Variants in NBAS observed in about 807,000 individuals in gnomAD.
NBAS encodes NAG/BC035112 fusion.
In NBAS, 219 loss-of-function variants were observed where a neutral mutation model predicts 302.5. The ratio of observed to expected loss-of-function variants is 0.72; its 90% CI spans 0.65 to 0.81. The LOEUF (loss-of-function observed/expected upper bound fraction) is 0.81. NBAS is among the 30% of genes least tolerant of loss of function. The probability of loss-of-function intolerance (pLI) is 0.00; values close to 1 mark genes in which losing one functional copy is unlikely to be tolerated. For synonymous variants in NBAS, 1,118 were observed against 1,021.6 expected (o/e 1.09, Z -1.80); for missense variants, 2,932 against 2,841.6 (o/e 1.03, Z -0.72).
intron 21 of NBAS, among the ~76,000 whole-genome samples, chr2:15,438,205 T>C (rs1678127725): frequency 6.6e-6 from 1 of 152,246 alleles, no homozygotes; most frequent in African/African-American, 2.4e-5. Context: ...TTCCTAATTC[T>C]GAAATCCATT....
the NBAS span, among the ~76,000 whole-genome samples, chr2:14,976,106 G>C: frequency 6.8e-4 from 104 of 152,284 alleles, no homozygotes; most frequent in Non-Finnish European, 1.3e-3. Flanking sequence ...AGGAATAATG[G>C]GGGCAGATGT....
intron 44 of NBAS, among the ~76,000 whole-genome samples, chr2:15,260,816 C>CAT (rs10555034): frequency 2.6e-5 from 4 of 151,810 alleles, no homozygotes; most frequent in South Asian, 4.2e-4. Flanking sequence ...AATTATTATA[C>CAT]ATATATATAC....
At chr2:14,781,704 A>G in the NBAS span, among the ~76,000 whole-genome samples, 1 of 150,612 alleles carries the variant, frequency 6.6e-6, no homozygotes, top group Non-Finnish European at 1.5e-5. Flanking sequence ...ACTTTTATGA[A>G]GCACTCTCAT....
chr2:15,232,393 T>C (rs1247923976), intron 47 of NBAS, 29 bp downstream of exon 47: 10 of 1,599,070 alleles, frequency 6.3e-6, no homozygotes, highest in Non-Finnish European at 7.7e-6. Flanking sequence ...AGCCAGTTAA[T>C]GAAGATGCAC....
At chr2:15,466,834 G>A (rs1383904709) in intron 19 of NBAS, among the ~76,000 whole-genome samples, 3 of 151,868 alleles carry the variant, frequency 2.0e-5, no homozygotes, top group Admixed American at 6.6e-5. Flanking sequence ...CTACTCAGGA[G>A]GCTAAGGGAT....
At chr2:14,780,144 A>G in the NBAS span, among the ~76,000 whole-genome samples, 1 of 152,146 alleles carries the variant, frequency 6.6e-6, no homozygotes, top group East Asian at 1.9e-4. Flanking sequence ...ACCTCCCCAA[A>G]CATCAGACAC....
chr2:15,229,909 G>A (rs1426280672), intron 47 of NBAS, among the ~76,000 whole-genome samples: 1 of 152,046 alleles, frequency 6.6e-6, no homozygotes, highest in African/African-American at 2.4e-5. Context: ...ACTTTTTTAT[G>A]CAGTCTCCCT....
chr2:14,994,749 T>C, the NBAS span, among the ~76,000 whole-genome samples: 6 of 152,328 alleles, frequency 3.9e-5, no homozygotes, highest in Admixed American at 2.0e-4. Flanking sequence ...ACATGGATTG[T>C]GGGCTCTGCC....
intron 44 of NBAS, among the ~76,000 whole-genome samples, chr2:15,262,642 T>C (rs751706277): frequency 1.4e-4 from 21 of 152,210 alleles, no homozygotes; most frequent in Admixed American, 6.5e-5. Context: ...TCTATCAAGA[T>C]TCAATTCAAT....
chr2:15,527,920 T>G (rs73202745), intron 9 of NBAS, among the ~76,000 whole-genome samples: 2 of 152,126 alleles, frequency 1.3e-5, no homozygotes, highest in South Asian at 4.2e-4. Context: ...GGAATCAACA[T>G]TCCTCAAAAT....
chr2:14,833,529 A>G, the NBAS span, among the ~76,000 whole-genome samples: 2 of 152,154 alleles, frequency 1.3e-5, no homozygotes, highest in South Asian at 2.1e-4. Flanking sequence ...TACGTGATCA[A>G]TAAGTAAAAA....
At chr2:15,235,011 T>C (rs759310255) in intron 45 of NBAS, among the ~76,000 whole-genome samples, 1 of 152,148 alleles carries the variant, frequency 6.6e-6, no homozygotes, top group South Asian at 2.1e-4. Context: ...TTGAGGAAAA[T>C]AGGGTCGTGT....
the NBAS span, among the ~76,000 whole-genome samples, chr2:14,974,692 T>C: frequency 0.21 from 32,349 of 152,134 alleles, 5,169 homozygotes; most frequent in African/African-American, 0.44. Flanking sequence ...TCCTGTTAAG[T>C]GGTCATCAGT....
intron 46 of NBAS, among the ~76,000 whole-genome samples, chr2:15,234,165 C>T (rs1667491881): frequency 6.6e-6 from 1 of 152,166 alleles, no homozygotes; most frequent in African/African-American, 2.4e-5. Flanking sequence ...CTTCTGGGAA[C>T]CATTTTCCCA....
chr2:14,856,994 T>C, the NBAS span, among the ~76,000 whole-genome samples: 1 of 152,090 alleles, frequency 6.6e-6, no homozygotes, highest in Non-Finnish European at 1.5e-5. Context: ...AAAATCAGCA[T>C]ACAAAAATCA....
the NBAS span, among the ~76,000 whole-genome samples, chr2:14,923,898 A>C: frequency 6.6e-6 from 1 of 152,146 alleles, no homozygotes; most frequent in East Asian, 1.9e-4. Context: ...AGTAGTTTGA[A>C]GGAAAAGGAC....
At chr2:15,531,123 T>C (rs747631531) in intron 9 of NBAS, among the ~76,000 whole-genome samples, 17 of 152,182 alleles carry the variant, frequency 1.1e-4, no homozygotes, top group African/African-American at 4.1e-4. Context: ...TTTTCAGATA[T>C]GCAGGGCTTC....
chr2:15,012,620 A>T, the NBAS span, among the ~76,000 whole-genome samples: 5 of 152,196 alleles, frequency 3.3e-5, no homozygotes, highest in African/African-American at 1.2e-4. Context: ...AATTGTCAAA[A>T]ATCAAAGACA....
intron 48 of NBAS, among the ~76,000 whole-genome samples, chr2:15,190,962 CA>C: frequency 2.0e-5 from 3 of 152,236 alleles, no homozygotes; most frequent in Middle Eastern, 3.4e-3. Context: ...CTGCCAAATA[CA>C]AAACACCCAT....
Sources: gnomAD v4.1 joint callset for allele counts (sites outside exome capture counted in the v4.1 genomes callset) on GRCh38, gnomAD v4.1.1 for gene constraint, MANE v1.5 for transcripts, NCBI Gene and HGNC (gene_info 2026-07-23, HGNC 2026-07-21) for gene names.